The following RNF13 variants were observed in gnomAD, a reference collection of about 807,000 sequenced individuals.
The protein encoded by RNF13 is ring finger protein 13.
A neutral mutation model predicts 37.7 loss-of-function variants in RNF13; 19 were observed. That is an observed-to-expected ratio of 0.50 (90% CI 0.35 to 0.74). RNF13 has a LOEUF of 0.74. Among genes scored for constraint, RNF13 ranks in the 30% least tolerant of loss-of-function variants. RNF13 has a pLI of 0.01. For synonymous variants in RNF13, 144 were observed against 157.8 expected, an observed-to-expected ratio of 0.91 and a Z score of 0.65; for missense variants, 375 against 453.0, an observed-to-expected ratio of 0.83 and a Z score of 1.56.
At chr3:149,859,352 AAAAT>A (rs1723986525) in intron 3 of RNF13, among the ~76,000 whole-genome samples, 1 of 152,214 alleles carries the variant, frequency 6.6e-6, no homozygotes, top group Non-Finnish European at 1.5e-5. Context: ...TTGAGCTTCT[AAAAT>A]AAACCCTTTC....
chr3:149,895,778 A>G (rs543072076), intron 5 of RNF13, among the ~76,000 whole-genome samples: 1 of 152,146 alleles, frequency 6.6e-6, no homozygotes, highest in East Asian at 1.9e-4. Context: ...TGTTTTATTT[A>G]TTGATATTTT....
At chr3:149,862,722 T>C (rs1724392869) in intron 3 of RNF13, among the ~76,000 whole-genome samples, 1 of 152,176 alleles carries the variant, frequency 6.6e-6, no homozygotes, top group Non-Finnish European at 1.5e-5. Flanking sequence ...TGAACATCTT[T>C]TAAATATGTC....
At chr3:149,884,766 C>T (rs1256610041) in intron 4 of RNF13, among the ~76,000 whole-genome samples, 4 of 151,914 alleles carry the variant, frequency 2.6e-5, no homozygotes, top group African/African-American at 7.3e-5. Context: ...TTCAGTTTTA[C>T]TTTTTAGTTC....
intron 1 of RNF13, among the ~76,000 whole-genome samples, chr3:149,815,194 G>A (rs1275330584): frequency 6.6e-6 from 1 of 152,152 alleles, no homozygotes; most frequent in Non-Finnish European, 1.5e-5. Flanking sequence ...AACTTTTACA[G>A]GCACTAACTT....
chr3:149,938,358 T>TA (rs1719914403), intron 8 of RNF13, among the ~76,000 whole-genome samples: 1 of 151,814 alleles, frequency 6.6e-6, no homozygotes, highest in East Asian at 1.9e-4. Flanking sequence ...TTGTATTTTT[T>TA]AGTAGAGATG....
intron 6 of RNF13, among the ~76,000 whole-genome samples, chr3:149,905,042 T>C (rs1716252570): frequency 6.6e-6 from 1 of 152,218 alleles, no homozygotes; most frequent in Admixed American, 6.5e-5. Flanking sequence ...TTTGTAATTA[T>C]AAATACTGCT....
chr3:149,957,236 A>G (rs75189248), intron 8 of RNF13, among the ~76,000 whole-genome samples: 2,708 of 152,290 alleles, frequency 0.018, 87 homozygotes, highest in African/African-American at 0.061. Context: ...GCCATGGTAC[A>G]TGAAGCATTT....
intron 8 of RNF13, among the ~76,000 whole-genome samples, chr3:149,947,296 G>A (rs1013193002): frequency 1.3e-5 from 2 of 151,956 alleles, no homozygotes; most frequent in Admixed American, 6.6e-5. Flanking sequence ...AGTTATTCAA[G>A]TCATCTGTGT....
intron 9 of RNF13, 67 bp downstream of exon 9, chr3:149,960,203 G>A (rs2108620738): frequency 9.3e-7 from 1 of 1,079,468 alleles, no homozygotes. Flanking sequence ...CATATTCCAG[G>A]GGAAGAGATG....
chr3:149,866,526 C>T (rs1711496967), intron 3 of RNF13, among the ~76,000 whole-genome samples: 1 of 152,256 alleles, frequency 6.6e-6, no homozygotes, highest in East Asian at 1.9e-4. Context: ...TCTTTATGAC[C>T]TGTGTCTAGT....
chr3:149,919,043 G>A (rs1165899330), intron 7 of RNF13, among the ~76,000 whole-genome samples: 1 of 151,904 alleles, frequency 6.6e-6, no homozygotes, highest in Non-Finnish European at 1.5e-5. Context: ...ATTTTCTTCT[G>A]TGTAAATTTG....
intron 8 of RNF13, among the ~76,000 whole-genome samples, chr3:149,947,256 A>G (rs1720854693): frequency 6.6e-6 from 1 of 151,950 alleles, no homozygotes; most frequent in Non-Finnish European, 1.5e-5. Flanking sequence ...AGTGTTCTGT[A>G]TATGTTTGTT....
At chr3:149,835,819 T>TTGGGATTGCTGGATCCCCAGTAG (rs1285261152) in intron 1 of RNF13, among the ~76,000 whole-genome samples, 1 of 151,584 alleles carries the variant, frequency 6.6e-6, no homozygotes, top group African/African-American at 2.4e-5. Flanking sequence ...TTCTCCTGGG[T>TTGGGATTGCTGGATCCCCAGTAG]TGGGATTGCT....
rs1559980916 is a variant in RNF13, at chr3:149,960,950, C to T, written c.992C>T (p.Ser331Leu). Residue 331 changes from serine (S) to leucine (L), a missense_variant, in exon 10 of 10, where the codon TCA becomes TTA. Ser to Leu is a moderately radical substitution (Grantham distance 145). Coordinates refer to ENST00000392894, the MANE Select transcript of RNF13 (RefSeq NM_183381.3). ...TTTGGGGCTTTATCGGAATCCCGCT[C>T]ACATCAGAACATGACAGAATCTTCA... ...QSFGALSESR[S>L]HQNMTESSDY... 4 of 1,614,212 alleles carry T rather than the reference C, an allele frequency of 2.5e-6. No individual in the cohort carries two copies. The South Asian group carries it at 3.3e-5, about 13-fold the overall frequency.
At chr3:149,947,890 C>T (rs1456507811) in intron 8 of RNF13, among the ~76,000 whole-genome samples, 1 of 151,936 alleles carries the variant, frequency 6.6e-6, no homozygotes, top group Non-Finnish European at 1.5e-5. Flanking sequence ...CACTCCTGCT[C>T]TCCAGTTTCT....
At chr3:149,873,204 A>G (rs1339509821) in intron 4 of RNF13, among the ~76,000 whole-genome samples, 1 of 152,216 alleles carries the variant, frequency 6.6e-6, no homozygotes, top group Non-Finnish European at 1.5e-5. Context: ...AAGTAAACTA[A>G]TTCTATTGAT....
intron 3 of RNF13, among the ~76,000 whole-genome samples, chr3:149,863,978 A>AT (rs1254822875): frequency 7.9e-6 from 1 of 126,730 alleles, no homozygotes; most frequent in Non-Finnish European, 1.7e-5. Context: ...ATTTTGTTGC[A>AT]TGTAGCTGGA....
chr3:149,908,156 A>G (rs1716623862), intron 6 of RNF13, among the ~76,000 whole-genome samples: 1 of 152,222 alleles, frequency 6.6e-6, no homozygotes, highest in Admixed American at 6.5e-5. Context: ...CTTAAATTCT[A>G]GAAGCATTTT....
chr3:149,815,011 A>G (rs1044277158), intron 1 of RNF13, among the ~76,000 whole-genome samples: 2 of 152,050 alleles, frequency 1.3e-5, no homozygotes, highest in African/African-American at 4.8e-5. Flanking sequence ...TGCAAATCAT[A>G]GACAGAATCT....
Sources: gnomAD v4.1 joint callset for allele counts (sites outside exome capture counted in the v4.1 genomes callset) on GRCh38, gnomAD v4.1.1 for gene constraint, MANE v1.5 for transcripts, NCBI Gene and HGNC (gene_info 2026-07-23, HGNC 2026-07-21) for gene names.